KHDC4: variants seen among roughly 807,000 people sequenced by gnomAD.
The protein encoded by KHDC4 is KH domain containing 4, pre-mRNA splicing factor.
In KHDC4, 19 loss-of-function variants were observed where a neutral mutation model predicts 74.5. The observed-to-expected ratio is 0.26, with a 90% CI of 0.18 to 0.37. KHDC4 has a LOEUF of 0.37. KHDC4 is among the 10% of genes least tolerant of loss of function. The probability of loss-of-function intolerance (pLI) is 1.00; values close to 1 mark genes in which losing one functional copy is unlikely to be tolerated. For synonymous variants in KHDC4, 253 were observed against 266.1 expected (o/e 0.95, Z 0.48); for missense variants, 632 against 754.1 (o/e 0.84, Z 1.90).
chr1:155,922,337 G>C (rs1258668746), intron 8 of KHDC4, among the ~76,000 whole-genome samples: 1 of 152,082 alleles, frequency 6.6e-6, no homozygotes, highest in East Asian at 1.9e-4. Flanking sequence ...GTAGAGACGG[G>C]GGTTTCACGA....
chr1:155,929,236 A>G (rs1243828879), intron 4 of KHDC4, 60 bp downstream of exon 4: 2 of 1,183,590 alleles, frequency 1.7e-6, no homozygotes, highest in East Asian at 2.3e-5. Flanking sequence ...GATAAAAAAC[A>G]TGAGGCTAAC....
Position 155,925,762 on chromosome 1 carries a change from G to A in KHDC4, c.763C>T (p.Pro255Ser). 2 of 1,614,090 alleles carry A rather than the reference G, an allele frequency of 1.2e-6. No individual in the cohort carries two copies. The highest frequency in any genetic ancestry group is 1.7e-6 in the Non-Finnish European group (2 of 1,179,960). Residue 255 changes from proline to serine, a missense_variant, in exon 7 of 14, where the codon CCA becomes TCA. Transcript: ENST00000368321. The part of the protein sequence containing the change: ...TFNVKEKVEG[P>S]GCSYLQHIQI... ...ATGTGCTGCAAATAGGAGCAGCCTG[G>A]ACCTTCCACCTTCTCCTTGACATTA... is the stretch of plus-strand genomic sequence containing the variant.
chr1:155,934,359 G>A lies in KHDC4; in HGVS notation c.15C>T (p.Ser5=). 6 of 1,610,960 alleles carry A rather than the reference G, an allele frequency of 3.7e-6. No individual in the cohort carries two copies. Among genetic ancestry groups the A allele is most frequent in the Non-Finnish European group, 4.2e-6 (5 of 1,179,858 alleles). The change falls in exon 1 of 14, where the codon AGC becomes AGT. Residue 5 remains serine, a synonymous_variant. Transcript: ENST00000368321. The part of the protein sequence containing the change: MSAG[S]ATHPGAGGRR... ...ACCCGCCAGCTCCAGGATGTGTCGC[G>A]CTCCCCGCGGACATGGCGACCGCTT...
rs1310478067 is a variant in KHDC4 at position 155,933,294 on chromosome 1, T to TC, written c.255+338_255+339insG. Among the ~76,000 whole-genome samples the TC allele has an allele frequency of 3.3e-5, 5 of 151,450 alleles. No homozygotes were observed. The South Asian group carries it at 1.0e-3, about 31-fold the overall frequency. ...GCGATTACAGGATTACAAACAACTT[T>TC]TTTTTTTTTTTTTTGAGACGGAGTC... On this transcript the variant is annotated intron_variant, in intron 2 of 13. Transcript: ENST00000368321.
intron 11 of KHDC4, among the ~76,000 whole-genome samples, chr1:155,917,224 A>G (rs1175217594): frequency 6.6e-6 from 1 of 152,084 alleles, no homozygotes; most frequent in Admixed American, 6.5e-5. Context: ...TCTCTTTTTT[A>G]GGTGGAGGGT....
intron 10 of KHDC4, chr1:155,919,989 A>C (rs770858988): frequency 3.9e-6 from 2 of 518,376 alleles, no homozygotes. Flanking sequence ...TTGCTATGGC[A>C]TGGGTACACT....
intron 1 of KHDC4, 137 bp downstream of exon 1, chr1:155,934,199 A>G (rs1169223964): frequency 1.4e-5 from 14 of 989,816 alleles, no homozygotes; most frequent in Non-Finnish European, 2.1e-5. Flanking sequence ...AGGCCTGCTC[A>G]AGATCCTTCT....
At chr1:155,932,455 TG>T (rs1674161340) in intron 2 of KHDC4, 1 of 152,218 alleles carries the variant, frequency 6.6e-6, no homozygotes, top group Non-Finnish European at 1.5e-5. Context: ...CTGTGGATTC[TG>T]GGTTTTTAGG....
chr1:155,918,190 A>G (rs993482345), intron 10 of KHDC4, among the ~76,000 whole-genome samples: 6 of 151,932 alleles, frequency 3.9e-5, no homozygotes. Context: ...TGAAGAGAAA[A>G]CTCTATACAG....
At chr1:155,919,538 C>T (rs1248823836) in intron 10 of KHDC4, among the ~76,000 whole-genome samples, 1 of 151,886 alleles carries the variant, frequency 6.6e-6, no homozygotes, top group Non-Finnish European at 1.5e-5. Context: ...AGGCCGGGCG[C>T]GGTGGCTCAC....
intron 4 of KHDC4, 26 bp from the exon 5 acceptor site, chr1:155,927,182 A>T: frequency 6.2e-7 from 1 of 1,605,996 alleles, no homozygotes; most frequent in Non-Finnish European, 8.5e-7. Context: ...AAAAAGGATG[A>T]TCTCAATGTG....
At chr1:155,925,933 G>C in intron 6 of KHDC4, 90 bp from the exon 7 acceptor site, 1 of 1,121,662 alleles carries the variant, frequency 8.9e-7, no homozygotes, top group Non-Finnish European at 1.3e-6. Context: ...TTATAGCAAA[G>C]ACAGTCTCCT....
At chr1:155,923,130 G>A (rs1418342238) in intron 8 of KHDC4, among the ~76,000 whole-genome samples, 2 of 151,386 alleles carry the variant, frequency 1.3e-5, no homozygotes, top group Non-Finnish European at 1.5e-5. Flanking sequence ...GCGTGAACCC[G>A]GGAGGCGGAG....
At position 155,921,504 on chromosome 1, in the gene KHDC4, T is replaced by G. The variant is rs765702011; in HGVS notation, c.1137A>C (p.Gly379=). Residue 379 remains glycine (G), a synonymous_variant, in exon 10 of 14, where the codon GGA becomes GGC. Transcript: ENST00000368321. ...CAGCTGGTGGCACTATGCTTGGTAC[T>G]CCGTAGGGAGGTTGAACTGGCTGCT... ...PPQQPVQPPY[G]VPSIVPPAVS... 1 of 1,614,068 alleles carries G rather than the reference T, an allele frequency of 6.2e-7. No homozygotes were observed. Among genetic ancestry groups the G allele is most frequent in the Non-Finnish European group, 8.5e-7 (1 of 1,180,006 alleles).
chr1:155,919,198 C>A (rs192082992), intron 10 of KHDC4, among the ~76,000 whole-genome samples: 55 of 151,764 alleles, frequency 3.6e-4, no homozygotes, highest in East Asian at 1.4e-3. Context: ...GAACTCCTGA[C>A]CTCAAGTGAT....
intron 8 of KHDC4, 88 bp from the exon 9 acceptor site, chr1:155,922,006 C>T (rs1369704205): frequency 3.4e-5 from 26 of 756,016 alleles, no homozygotes; most frequent in Non-Finnish European, 5.3e-5. Context: ...GGACCAAAGC[C>T]ATTAGGAATT....
chr1:155,931,220 G>A (rs1674133842), intron 2 of KHDC4, among the ~76,000 whole-genome samples: 2 of 149,176 alleles, frequency 1.3e-5, no homozygotes, highest in African/African-American at 4.9e-5. Context: ...TACTCAGCAG[G>A]CTGAGGCAGC....
rs549111770 is a variant in KHDC4 at position 155,923,132 on chromosome 1, G to A, written c.954+495C>T. Among the ~76,000 whole-genome samples the A allele has an allele frequency of 4.5e-3, 686 of 151,508 alleles. 4 individuals carry two copies. The highest frequency in any genetic ancestry group is 0.015 in the African/African-American group (629 of 41,328). The stretch of plus-strand genomic sequence containing the variant: ...AGGCAGGAGAATGGCGTGAACCCGG[G>A]AGGCGGAGCTTGCAGTGAGCCGAGA... On this transcript the variant is annotated intron_variant, in intron 8 of 13. Transcript: ENST00000368321.
intron 10 of KHDC4, 68 bp downstream of exon 10, chr1:155,921,307 C>T (rs751660660): frequency 1.9e-6 from 3 of 1,540,852 alleles, no homozygotes; most frequent in Non-Finnish European, 2.7e-6. Flanking sequence ...TGGAATACCA[C>T]TACTTCCCCT....
Sources: gnomAD v4.1 joint callset for allele counts (sites outside exome capture counted in the v4.1 genomes callset) on GRCh38, gnomAD v4.1.1 for gene constraint, MANE v1.5 for transcripts, NCBI Gene and HGNC (gene_info 2026-07-23, HGNC 2026-07-21) for gene names.